Variants in KHDRBS3 observed in about 807,000 individuals in gnomAD.
The protein encoded by KHDRBS3 is KH domain-containing, RNA-binding, signal transduction-associated protein 3.
KHDRBS3 carries 23 observed loss-of-function variants against 45.6 expected under a neutral mutation model. The ratio of observed to expected loss-of-function variants is 0.50; its 90% CI spans 0.36 to 0.72. The LOEUF (loss-of-function observed/expected upper bound fraction) is 0.72. Among genes scored for constraint, KHDRBS3 ranks in the 30% least tolerant of loss-of-function variants. The probability of loss-of-function intolerance (pLI) is 0.00; values close to 1 mark genes in which losing one functional copy is unlikely to be tolerated. For synonymous variants in KHDRBS3, 162 were observed against 156.5 expected (o/e 1.04, Z -0.26); for missense variants, 352 against 424.8 (o/e 0.83, Z 1.51).
chr8:135,466,501 G>C (rs992632889), intron 1 of KHDRBS3, among the ~76,000 whole-genome samples: 2 of 152,136 alleles, frequency 1.3e-5, no homozygotes, highest in Admixed American at 1.3e-4. Flanking sequence ...TCTGACTTAC[G>C]GTTACTGGCC....
chr8:135,650,139 A>G (rs1298215687), downstream of KHDRBS3, among the ~76,000 whole-genome samples: 1 of 152,198 alleles, frequency 6.6e-6, no homozygotes, highest in Non-Finnish European at 1.5e-5. Context: ...CATGAGCTCC[A>G]TACTGGACAC....
At chr8:135,461,082 G>GA (rs1486303207) in intron 1 of KHDRBS3, among the ~76,000 whole-genome samples, 2 of 152,068 alleles carry the variant, frequency 1.3e-5, no homozygotes, top group Non-Finnish European at 2.9e-5. Context: ...CCTCCTAAAT[G>GA]AATTTGTTTC....
In KHDRBS3 at chr8:135,548,752, A is replaced by G; in HGVS notation, c.325-2A>G. 1 of 1,496,496 alleles carries G rather than the reference A, an allele frequency of 6.7e-7. No individual in the cohort carries two copies. Among genetic ancestry groups the G allele is most frequent in the Non-Finnish European group, 8.9e-7 (1 of 1,122,166 alleles). 92.7% of individuals were successfully genotyped at this position (1,496,496 alleles called of 1,614,324 possible). A position where few individuals can be genotyped will look rare whatever the true frequency, so the allele number is the denominator to read the frequency against. ...ATGTGATTTCTTTTTTCCTTTTTCC[A>G]GGAAGAAGAGTTGAGGAAAAGTGGA... is the stretch of plus-strand genomic sequence containing the variant. On this transcript the variant is annotated splice_acceptor_variant, in intron 3 of 8. Coordinates refer to ENST00000355849, the MANE Select transcript of KHDRBS3 (RefSeq NM_006558.3). LOFTEE classifies it high-confidence loss of function.
intron 1 of KHDRBS3, among the ~76,000 whole-genome samples, chr8:135,497,323 C>T (rs1823505491): frequency 6.6e-6 from 1 of 152,142 alleles, no homozygotes; most frequent in Non-Finnish European, 1.5e-5. Flanking sequence ...GTCCTAAAGG[C>T]AGGTTTAGAG....
intron 5 of KHDRBS3, among the ~76,000 whole-genome samples, chr8:135,571,316 C>G (rs2317205): frequency 0.17 from 26,285 of 152,170 alleles, 2,391 homozygotes; most frequent in East Asian, 0.35. Flanking sequence ...CTTTGGCTCT[C>G]TCTTCCCTAC....
At chr8:135,528,527 G>T (rs1307001762) in intron 2 of KHDRBS3, among the ~76,000 whole-genome samples, 1 of 152,110 alleles carries the variant, frequency 6.6e-6, no homozygotes, top group Non-Finnish European at 1.5e-5. Context: ...ATGTGAAAAT[G>T]ATTTTTGATG....
chr8:135,530,922 A>T (rs577010120), intron 2 of KHDRBS3, among the ~76,000 whole-genome samples: 42 of 152,264 alleles, frequency 2.8e-4, no homozygotes, highest in African/African-American at 9.6e-4. Context: ...TATCGATTGC[A>T]ATAGATTCTT....
chr8:135,522,413 T>A lies in KHDRBS3; in HGVS notation c.207+1058T>A, dbSNP rs944774150. 2.3e-4 allele frequency among the ~76,000 whole-genome samples: 35 copies of A among 152,236 alleles called. 1 individual carries two copies. Among genetic ancestry groups the A allele is most frequent in the African/African-American group, 8.2e-4 (34 of 41,472 alleles). On this transcript the variant is annotated intron_variant, in intron 2 of 8. Coordinates refer to ENST00000355849, the MANE Select transcript of KHDRBS3 (RefSeq NM_006558.3). ...GTACAAGTTGTTTCATAACCAGATA[T>A]GTTTGTTACTCTTTATTAAATACGC...
chr8:135,469,789 A>G (rs1821919280), intron 1 of KHDRBS3, among the ~76,000 whole-genome samples: 1 of 152,102 alleles, frequency 6.6e-6, no homozygotes, highest in South Asian at 2.1e-4. Context: ...GGCCTCCCAA[A>G]GTGCTGGGAT....
intron 1 of KHDRBS3, among the ~76,000 whole-genome samples, chr8:135,496,852 C>T (rs982894727): frequency 6.6e-6 from 1 of 152,228 alleles, no homozygotes; most frequent in African/African-American, 2.4e-5. Flanking sequence ...GGCCAACTAG[C>T]TTGCCTGTTG....
intron 2 of KHDRBS3, among the ~76,000 whole-genome samples, chr8:135,534,574 T>C (rs1825640229): frequency 6.6e-6 from 1 of 152,170 alleles, no homozygotes; most frequent in African/African-American, 2.4e-5. Context: ...GGCAGGTAGC[T>C]AGCCAGGCCT....
intron 7 of KHDRBS3, among the ~76,000 whole-genome samples, chr8:135,617,125 TTAAG>T (rs1829951128): frequency 6.6e-6 from 1 of 152,084 alleles, no homozygotes; most frequent in African/African-American, 2.4e-5. Flanking sequence ...AACATTGTAA[TTAAG>T]TGAGATAGCA....
chr8:135,486,985 G>A (rs940348408), intron 1 of KHDRBS3, among the ~76,000 whole-genome samples: 12 of 152,188 alleles, frequency 7.9e-5, no homozygotes, highest in Admixed American at 6.5e-4. Flanking sequence ...CTCCTATCAG[G>A]TATTTTGACC....
intron 1 of KHDRBS3, among the ~76,000 whole-genome samples, chr8:135,509,653 T>G (rs1433421690): frequency 6.6e-6 from 1 of 152,240 alleles, no homozygotes; most frequent in African/African-American, 2.4e-5. Context: ...TGTTTAAGGA[T>G]ACATTTATCT....
intron 2 of KHDRBS3, 21 bp from the exon 3 acceptor site, chr8:135,542,633 T>G: frequency 2.0e-6 from 3 of 1,473,612 alleles, no homozygotes; most frequent in Non-Finnish European, 2.8e-6. Flanking sequence ...TGCTACAAAT[T>G]TGGTTGTTTA....
At chr8:135,601,126 G>C (rs890923577) in intron 6 of KHDRBS3, among the ~76,000 whole-genome samples, 1 of 152,220 alleles carries the variant, frequency 6.6e-6, no homozygotes, top group African/African-American at 2.4e-5. Context: ...TCAGGAAAGA[G>C]GTGAGAGGAC....
chr8:135,645,231 C>T (rs1831236149), intron 8 of KHDRBS3, 114 bp downstream of exon 8: 1 of 996,238 alleles, frequency 1.0e-6, no homozygotes, highest in African/African-American at 1.6e-5. Flanking sequence ...CAGCAGCTTC[C>T]TGTCAATTCA....
rs772320535 is a variant in KHDRBS3, at chr8:135,645,096, G to C, written c.928G>C (p.Glu310Gln). 1.2e-6 allele frequency: 2 copies of C among 1,613,660 alleles called. No homozygotes were observed. Among genetic ancestry groups the C allele is most frequent in the Non-Finnish European group, 1.7e-6 (2 of 1,179,888 alleles). Residue 310 changes from glutamate (E) to glutamine (Q), a missense_variant, in exon 8 of 9, where the codon GAG (glutamate) becomes CAG (glutamine). By Grantham distance (29) the Glu-to-Gln change is conservative (BLOSUM62 2). This residue lies in a region of KHDRBS3 where 212 missense variants were observed against 209.6 expected (regional missense o/e 1.01). Coordinates refer to ENST00000355849, the MANE Select transcript of KHDRBS3 (RefSeq NM_006558.3). ...CTATGATTACGGACATGGACTCAGT[G>C]AGGAGACTTATGATTCCTACGGTGA... is the stretch of plus-strand genomic sequence containing the variant. ...DYYDYGHGLS[E>Q]ETYDSYGQEE... is the part of the protein sequence containing the mutation.
At chr8:135,505,293 A>G (rs1053457431) in intron 1 of KHDRBS3, among the ~76,000 whole-genome samples, 7 of 152,162 alleles carry the variant, frequency 4.6e-5, no homozygotes, top group Admixed American at 1.3e-4. Context: ...AGTGAGGCCA[A>G]GTGATTTGCC....
Sources: allele counts gnomAD v4.1 joint callset (sites outside exome capture counted in the v4.1 genomes callset), GRCh38; gene constraint gnomAD v4.1.1; regional missense constraint gnomAD v4.1.1; transcripts MANE v1.5; gene names NCBI Gene and HGNC (gene_info 2026-07-23, HGNC 2026-07-21).